The following IL1RAPL1 variants were observed in gnomAD, a reference collection of about 807,000 sequenced individuals.
IL1RAPL1 encodes interleukin 1 receptor accessory protein like 1.
IL1RAPL1 carries 3 observed loss-of-function variants against 48.4 expected under a neutral mutation model. The observed-to-expected ratio is 0.06, with a 90% CI of 0.03 to 0.16. The LOEUF is 0.16. Ranked by LOEUF, IL1RAPL1 falls within the 10% of genes least tolerant of loss-of-function variation. The probability of loss-of-function intolerance (pLI) is 1.00; values close to 1 mark genes in which losing one functional copy is unlikely to be tolerated. For synonymous variants in IL1RAPL1, 185 were observed against 187.7 expected (o/e 0.99, Z 0.12); for missense variants, 349 against 530.6 (o/e 0.66, Z 3.36).
chrX:28,899,941 A>G (rs190084038), intron 2 of IL1RAPL1, among the ~76,000 whole-genome samples: 82 of 112,429 alleles, frequency 7.3e-4, no homozygotes, highest in African/African-American at 2.5e-3. Flanking sequence ...AAGGCATGGT[A>G]ATTAGCAGGA....
intron 6 of IL1RAPL1, among the ~76,000 whole-genome samples, chrX:29,798,297 G>A (rs1168074885): frequency 9.0e-6 from 1 of 111,531 alleles, no homozygotes; most frequent in Non-Finnish European, 1.9e-5. Context: ...GTGGGAGCAG[G>A]GTAACTTCAG....
intron 5 of IL1RAPL1, among the ~76,000 whole-genome samples, chrX:29,504,068 C>T (rs1267264206): frequency 9.2e-6 from 1 of 108,157 alleles, no homozygotes; most frequent in Non-Finnish European, 1.9e-5. Context: ...TCAAGTGATT[C>T]TCCTGCCTCA....
chrX:29,870,657 G>A (rs1327707130), intron 6 of IL1RAPL1, among the ~76,000 whole-genome samples: 3 of 111,717 alleles, frequency 2.7e-5, no homozygotes, highest in East Asian at 5.6e-4. Context: ...TCACTTGCCT[G>A]GTCAGGACAC....
At chrX:29,946,806 T>C (rs989839382) in intron 9 of IL1RAPL1, among the ~76,000 whole-genome samples, 2 of 112,073 alleles carry the variant, frequency 1.8e-5, no homozygotes, top group Non-Finnish European at 3.8e-5. Context: ...GAATTAAGCC[T>C]AGAAGATCTT....
intron 3 of IL1RAPL1, among the ~76,000 whole-genome samples, chrX:29,325,307 A>G (rs753707567): frequency 1.8e-5 from 2 of 112,278 alleles, no homozygotes; most frequent in South Asian, 7.4e-4. Flanking sequence ...AAGCTATCAA[A>G]GTTCACCAAC....
chrX:29,754,530 T>A (rs1044480290), intron 6 of IL1RAPL1, among the ~76,000 whole-genome samples: 10 of 112,133 alleles, frequency 8.9e-5, no homozygotes, highest in African/African-American at 3.2e-4. Context: ...GTTTTTTTAA[T>A]ACACAGAAAC....
At chrX:29,614,613 C>T (rs1282647582) in intron 5 of IL1RAPL1, among the ~76,000 whole-genome samples, 3 of 111,768 alleles carry the variant, frequency 2.7e-5, no homozygotes, top group African/African-American at 9.8e-5. Flanking sequence ...TTTACTTACA[C>T]ATATAGTTAA....
Position 28,793,060 on chromosome X carries a change from G to A in IL1RAPL1, c.82+3635G>A, listed in dbSNP as rs1936571731. 3.8e-5 allele frequency among the ~76,000 whole-genome samples: 4 copies of A among 105,680 alleles called. No homozygotes were observed. In the South Asian group the frequency reaches 1.7e-3, roughly 45 times the overall value. The allele number at this position is 105,680 out of a possible 115,157, so 91.8% of individuals were successfully genotyped here. On this transcript the variant is annotated intron_variant, in intron 2 of 10. Transcript: ENST00000378993. The stretch of plus-strand genomic sequence containing the variant: ...CTATGGAAGCACATATTCAGCATTC[G>A]TTACACAATAGATTTTATCCTGGGA...
At chrX:29,099,485 A>G (rs1449723337) in intron 2 of IL1RAPL1, among the ~76,000 whole-genome samples, 1 of 112,119 alleles carries the variant, frequency 8.9e-6, no homozygotes, top group East Asian at 2.8e-4. Context: ...ACATTACTAA[A>G]TTTCAAAATT....
chrX:29,451,410 G>A (rs1244062339), intron 5 of IL1RAPL1, among the ~76,000 whole-genome samples: 1 of 110,456 alleles, frequency 9.1e-6, no homozygotes, highest in Non-Finnish European at 1.9e-5. Context: ...GGACAGGCTG[G>A]TCTCGAACTT....
chrX:28,997,708 T>C (rs771396206), intron 2 of IL1RAPL1, among the ~76,000 whole-genome samples: 1 of 111,756 alleles, frequency 8.9e-6, no homozygotes, highest in Non-Finnish European at 1.9e-5. Context: ...AACCAAGATC[T>C]TGGCTATGTT....
At chrX:28,669,691 T>C (rs7054924) in intron 1 of IL1RAPL1, among the ~76,000 whole-genome samples, 1 of 104,045 alleles carries the variant, frequency 9.6e-6, no homozygotes, top group Non-Finnish European at 1.9e-5. Context: ...TAATATAATT[T>C]TATATATAAA....
intron 2 of IL1RAPL1, among the ~76,000 whole-genome samples, chrX:28,822,600 G>A (rs1601918395): frequency 9.0e-6 from 1 of 111,591 alleles, no homozygotes; most frequent in African/African-American, 3.3e-5. Flanking sequence ...TGTTTCATTC[G>A]GGGAGGACAT....
At chrX:29,779,093 A>T (rs1297464259) in intron 6 of IL1RAPL1, among the ~76,000 whole-genome samples, 2 of 112,004 alleles carry the variant, frequency 1.8e-5, no homozygotes, top group Admixed American at 1.9e-4. Context: ...AAGCAACTGT[A>T]AACTATTTGT....
intron 3 of IL1RAPL1, among the ~76,000 whole-genome samples, chrX:29,368,619 G>C (rs1459261293): frequency 6.3e-5 from 6 of 94,883 alleles, no homozygotes; most frequent in Non-Finnish European, 1.0e-4. Context: ...TGTAGAGACA[G>C]GGTCTCCCTA....
chrX:28,816,631 C>A (rs1028444254), intron 2 of IL1RAPL1, among the ~76,000 whole-genome samples: 1 of 110,982 alleles, frequency 9.0e-6, no homozygotes, highest in Non-Finnish European at 1.9e-5. Context: ...TTTTCTTTAT[C>A]CAATCCACCA....
intron 6 of IL1RAPL1, among the ~76,000 whole-genome samples, chrX:29,749,296 T>G (rs967728862): frequency 8.9e-6 from 1 of 112,287 alleles, no homozygotes; most frequent in Admixed American, 9.5e-5. Context: ...ATATTGGCTT[T>G]AAATTTTTGT....
intron 3 of IL1RAPL1, among the ~76,000 whole-genome samples, chrX:29,298,815 G>T (rs1042541486): frequency 1.8e-5 from 2 of 111,365 alleles, no homozygotes; most frequent in African/African-American, 6.5e-5. Context: ...TGTTTTATAG[G>T]ACTATCATTT....
intron 6 of IL1RAPL1, among the ~76,000 whole-genome samples, chrX:29,824,044 C>A (rs1481895309): frequency 2.7e-5 from 3 of 111,445 alleles, no homozygotes; most frequent in Non-Finnish European, 5.7e-5. Context: ...CTTTAAAGTA[C>A]ATAAATATCA....
Sources: allele counts gnomAD v4.1 joint callset (sites outside exome capture counted in the v4.1 genomes callset), GRCh38; gene constraint gnomAD v4.1.1; transcripts MANE v1.5; gene names NCBI Gene and HGNC (gene_info 2026-07-23, HGNC 2026-07-21).